INSL6: variants seen among roughly 807,000 people sequenced by gnomAD.
The protein encoded by INSL6 is insulin-like peptide INSL6.
A neutral mutation model predicts 9.4 loss-of-function variants in INSL6; 16 were observed. That is an observed-to-expected ratio of 1.70 (90% CI 1.15 to 2.59). The LOEUF is 2.59. INSL6 is among the 30% of genes most tolerant of loss of function. The pLI is 0.00. For synonymous variants in INSL6, 154 were observed against 96.9 expected, an observed-to-expected ratio of 1.59 and a Z score of -3.46; for missense variants, 391 against 257.3, an observed-to-expected ratio of 1.52 and a Z score of -3.56.
At chr9:5,022,065 T>C in the INSL6 span, 17 of 1,614,018 alleles carry the variant, frequency 1.1e-5, no homozygotes, top group Admixed American at 1.7e-5. Flanking sequence ...GTGATATTTC[T>C]GGAAATGCCA....
At chr9:5,007,292 T>G in the INSL6 span, among the ~76,000 whole-genome samples, 1 of 152,190 alleles carries the variant, frequency 6.6e-6, no homozygotes, top group Non-Finnish European at 1.5e-5. Flanking sequence ...CTCATTTTCA[T>G]TATTGATTCA....
chr9:5,090,964 T>G, the INSL6 span: 10 of 1,218,842 alleles, frequency 8.2e-6, no homozygotes, highest in Non-Finnish European at 1.0e-5. Context: ...ACTTCAAACT[T>G]TATTGTTGTT....
chr9:5,096,418 G>A, the INSL6 span, among the ~76,000 whole-genome samples: 3 of 152,108 alleles, frequency 2.0e-5, no homozygotes, highest in Non-Finnish European at 4.4e-5. Context: ...TGCTAGATCG[G>A]TGGAATTCAA....
chr9:5,096,811 GAGATGACC>G, the INSL6 span: 3 of 152,162 alleles, frequency 2.0e-5, no homozygotes, highest in African/African-American at 7.2e-5. Context: ...ACTCTGCTAG[GAGATGACC>G]AGATCTATAA....
chr9:5,037,733 C>T, the INSL6 span, among the ~76,000 whole-genome samples: 1 of 152,132 alleles, frequency 6.6e-6, no homozygotes, highest in Non-Finnish European at 1.5e-5. Flanking sequence ...GGAGGGATAG[C>T]ATTAGGAAAT....
chr9:5,080,249 T>C, the INSL6 span: 1 of 1,612,936 alleles, frequency 6.2e-7, no homozygotes, highest in Non-Finnish European at 8.5e-7. Context: ...GAGAATACCA[T>C]GGGTACCACC....
At chr9:5,013,600 C>T in the INSL6 span, among the ~76,000 whole-genome samples, 1 of 152,142 alleles carries the variant, frequency 6.6e-6, no homozygotes, top group Non-Finnish European at 1.5e-5. Context: ...TTCCTCTTTC[C>T]ATGTTTTGCA....
At chr9:5,144,935 G>C (rs1824572368) in intron 2 of INSL6, among the ~76,000 whole-genome samples, 1 of 152,140 alleles carries the variant, frequency 6.6e-6, no homozygotes, top group African/African-American at 2.4e-5. Flanking sequence ...GCCACTCTGT[G>C]TCTTTGGGGG....
At chr9:5,163,816 T>C (rs1243971464), downstream of INSL6, 1 of 790,522 alleles carries the variant, frequency 1.3e-6, no homozygotes, top group Non-Finnish European at 2.0e-6. Context: ...ATTCAGACAT[T>C]TTTCACATCA....
the INSL6 span, among the ~76,000 whole-genome samples, chr9:5,033,998 C>T: frequency 6.6e-6 from 1 of 152,146 alleles, no homozygotes; most frequent in South Asian, 2.1e-4. Flanking sequence ...GGAAACCCAT[C>T]TCACGTGCAG....
the INSL6 span, among the ~76,000 whole-genome samples, chr9:4,992,162 A>T: frequency 6.6e-6 from 1 of 152,294 alleles, no homozygotes; most frequent in South Asian, 2.1e-4. Flanking sequence ...GTCTTCACTC[A>T]CATGATGGGT....
In INSL6 at chr9:5,164,447, T is replaced by C. The variant is rs906824120; in HGVS notation, c.290-182A>G. Among the ~76,000 whole-genome samples, 23 of 152,250 alleles carry C rather than the reference T, an allele frequency of 1.5e-4. 1 individual carries two copies. Among genetic ancestry groups the C allele is most frequent in the Admixed American group, 1.2e-3 (18 of 15,290 alleles). On this transcript the variant is annotated intron_variant, in intron 1 of 1. Transcript: ENST00000381641. ...CTAAAGTAGGTGTAGTGTTTTCCTA[T>C]TAAAAGGCTGTACGCCTTTGTACAT...
chr9:4,996,019 C>A, the INSL6 span, among the ~76,000 whole-genome samples: 2 of 152,116 alleles, frequency 1.3e-5, no homozygotes, highest in African/African-American at 4.8e-5. Flanking sequence ...CTTGTCATTT[C>A]ATAATGGCAA....
the INSL6 span, among the ~76,000 whole-genome samples, chr9:5,117,991 TTC>T: frequency 1.3e-5 from 2 of 152,232 alleles, no homozygotes; most frequent in Non-Finnish European, 2.9e-5. Flanking sequence ...GCTAATTTTT[TTC>T]TTTGTAAGTA....
the INSL6 span, among the ~76,000 whole-genome samples, chr9:5,036,857 C>T: frequency 6.6e-6 from 1 of 152,174 alleles, no homozygotes; most frequent in African/African-American, 2.4e-5. Context: ...CCAGAATTGA[C>T]AAATGGGATC....
the INSL6 span, among the ~76,000 whole-genome samples, chr9:5,113,066 A>G: frequency 6.6e-6 from 1 of 151,208 alleles, no homozygotes; most frequent in Admixed American, 6.6e-5. Flanking sequence ...GCTCCCTGGG[A>G]CCCCGGCTCA....
the INSL6 span, among the ~76,000 whole-genome samples, chr9:5,004,918 CTTTT>C: frequency 7.6e-6 from 1 of 131,344 alleles, no homozygotes; most frequent in African/African-American, 2.9e-5. Flanking sequence ...TACATATTGT[CTTTT>C]TTTTTTTTTT....
At chr9:5,068,332 G>A in the INSL6 span, among the ~76,000 whole-genome samples, 1 of 152,094 alleles carries the variant, frequency 6.6e-6, no homozygotes, top group Non-Finnish European at 1.5e-5. Flanking sequence ...TAGTGCATAA[G>A]ACAAATATTT....
At chr9:5,112,076 TAAGA>T in the INSL6 span, 1 of 386,476 alleles carries the variant, frequency 2.6e-6, no homozygotes, top group Non-Finnish European at 5.2e-6. Context: ...GCCTGGAGAG[TAAGA>T]TAGAAGACCA....
Sources: allele counts gnomAD v4.1 joint callset (sites outside exome capture counted in the v4.1 genomes callset), GRCh38; gene constraint gnomAD v4.1.1; transcripts MANE v1.5; gene names NCBI Gene and HGNC (gene_info 2026-07-23, HGNC 2026-07-21).